The following FOXN3 variants were observed in gnomAD, a reference collection of about 807,000 sequenced individuals.
FOXN3 encodes forkhead box protein N3.
In FOXN3, 7 loss-of-function variants were observed where a neutral mutation model predicts 38.4. The ratio of observed to expected loss-of-function variants is 0.18; its 90% CI spans 0.10 to 0.34. The LOEUF is 0.34. Ranked by LOEUF, FOXN3 falls within the 10% of genes least tolerant of loss-of-function variation. FOXN3 has a pLI of 1.00. For synonymous variants in FOXN3, 230 were observed against 242.2 expected, an observed-to-expected ratio of 0.95 and a Z score of 0.47; for missense variants, 456 against 613.4, an observed-to-expected ratio of 0.74 and a Z score of 2.71.
intron 4 of FOXN3, among the ~76,000 whole-genome samples, chr14:89,258,163 G>A (rs1311507534): frequency 1.3e-5 from 2 of 152,154 alleles, no homozygotes; most frequent in Non-Finnish European, 1.5e-5. Context: ...GAGCAGTGGT[G>A]TTTGCCTGGC....
At chr14:89,325,373 C>CCACCACCACCAT (rs1888049091) in intron 3 of FOXN3, among the ~76,000 whole-genome samples, 1 of 149,830 alleles carries the variant, frequency 6.7e-6, no homozygotes, top group Admixed American at 6.7e-5. Context: ...ACCACCACCG[C>CCACCACCACCAT]CACCACCACC....
At chr14:89,441,798 A>G (rs1892389623) in intron 1 of FOXN3, among the ~76,000 whole-genome samples, 1 of 152,110 alleles carries the variant, frequency 6.6e-6, no homozygotes, top group South Asian at 2.1e-4. Context: ...GAGGGTCCCT[A>G]TGGATTCCAC....
intron 4 of FOXN3, among the ~76,000 whole-genome samples, chr14:89,189,030 A>T (rs1887879084): frequency 1.3e-5 from 2 of 152,138 alleles, no homozygotes; most frequent in African/African-American, 2.4e-5. Flanking sequence ...GTTTGGAAAG[A>T]GAGAATCAGA....
At chr14:89,491,647 T>A (rs1288108338) in intron 1 of FOXN3, among the ~76,000 whole-genome samples, 1 of 152,200 alleles carries the variant, frequency 6.6e-6, no homozygotes, top group Admixed American at 6.5e-5. Context: ...TCTTCAGAAG[T>A]TCTGGGCAAT....
intron 2 of FOXN3, chr14:89,364,390 T>C (rs1282734867): frequency 2.7e-5 from 4 of 150,686 alleles, no homozygotes; most frequent in Non-Finnish European, 4.4e-5. Flanking sequence ...TTGTTTTTTT[T>C]CAGAAGGAAA....
intron 1 of FOXN3, among the ~76,000 whole-genome samples, chr14:89,434,872 T>C (rs909100609): frequency 1.3e-5 from 2 of 152,218 alleles, no homozygotes; most frequent in African/African-American, 4.8e-5. Flanking sequence ...CGGTAGTTAT[T>C]GTCTGCCAGT....
intron 3 of FOXN3, chr14:89,284,490 C>T (rs1378752470): frequency 2.2e-6 from 1 of 456,080 alleles, no homozygotes; most frequent in Non-Finnish European, 4.4e-6. Flanking sequence ...TCCTCTTCTG[C>T]TCTTCCAGCA....
In FOXN3 at chr14:89,441,857, C is replaced by A. The variant is rs547816828; in HGVS notation, c.-14-29367G>T. Among the ~76,000 whole-genome samples the A allele has an allele frequency of 9.9e-5, 15 of 152,072 alleles. No individual in the cohort carries two copies. The East Asian group carries it at 1.9e-3, about 20-fold the overall frequency. On this transcript the variant is annotated intron_variant, in intron 1 of 6. Coordinates refer to the FOXN3 transcript ENST00000345097. Reference sequence around the variant, plus strand: ...CCACCCAGCACACTGGCAGCATTAACCCTGGCCTTGAGGTTGGGATCTCAG... The same window carrying A: ...CCACCCAGCACACTGGCAGCATTAAACCTGGCCTTGAGGTTGGGATCTCAG...
At chr14:89,235,255 G>A (rs1376203504) in intron 4 of FOXN3, among the ~76,000 whole-genome samples, 1 of 152,114 alleles carries the variant, frequency 6.6e-6, no homozygotes, top group African/African-American at 2.4e-5. Flanking sequence ...AGAACCTTGT[G>A]GCTTACTGAT....
intron 2 of FOXN3, among the ~76,000 whole-genome samples, chr14:89,370,983 C>A (rs562820847): frequency 7.5e-6 from 1 of 133,940 alleles, no homozygotes; most frequent in Non-Finnish European, 1.7e-5. Context: ...CAAAACCGTG[C>A]GTCTATTTCA....
chr14:89,165,749 CGTT>C (rs1887225844), intron 5 of FOXN3, among the ~76,000 whole-genome samples: 1 of 152,190 alleles, frequency 6.6e-6, no homozygotes, highest in African/African-American at 2.4e-5. Flanking sequence ...ATGAAAGTCT[CGTT>C]GTATGGTCCT....
intron 1 of FOXN3, among the ~76,000 whole-genome samples, chr14:89,524,539 G>C (rs534777142): frequency 6.6e-6 from 1 of 151,660 alleles, no homozygotes; most frequent in East Asian, 1.9e-4. Context: ...CTGGTTCCTT[G>C]GGAAGATCAA....
chr14:89,464,017 C>G (rs781341204), intron 1 of FOXN3, among the ~76,000 whole-genome samples: 1 of 152,150 alleles, frequency 6.6e-6, no homozygotes, highest in South Asian at 2.1e-4. Flanking sequence ...CTCCTGACCT[C>G]AGGTGATCCA....
At chr14:89,500,340 A>G (rs578086458) in intron 1 of FOXN3, among the ~76,000 whole-genome samples, 51 of 152,318 alleles carry the variant, frequency 3.3e-4, no homozygotes, top group African/African-American at 1.2e-3. Context: ...CAATGAGTCA[A>G]TTGCAGAAGT....
Position 89,524,711 on chromosome 14 carries a change from C to A in FOXN3, c.-15+94317G>T, listed in dbSNP as rs114796451. Among the ~76,000 whole-genome samples the A allele has an allele frequency of 2.7e-3, 417 of 152,018 alleles. 4 individuals are homozygous for A. Among genetic ancestry groups the A allele is most frequent in the African/African-American group, 9.7e-3 (402 of 41,480 alleles). On this transcript the variant is annotated intron_variant, in intron 1 of 6. Coordinates refer to the FOXN3 transcript ENST00000345097. ...AAATTCAATATTTAAATTTAGTTGA[C>A]AAATTCCCTAAAAGATACAAACAAA...
chr14:89,401,586 C>T, intron 2 of FOXN3: 2 of 456,064 alleles, frequency 4.4e-6, no homozygotes, highest in Non-Finnish European at 8.8e-6. Flanking sequence ...GCCAGGCTCC[C>T]TGTACCTTGA....
rs541988254 is a variant in FOXN3 at position 89,347,913 on chromosome 14, C to T, written c.680+2759G>A. Reference sequence around the variant, plus strand: ...AGGTTGCAGTGAGCCAAGATTGCACCGCTGCACTCCAGCCTGGAGAGAGAG... The same window carrying T: ...AGGTTGCAGTGAGCCAAGATTGCACTGCTGCACTCCAGCCTGGAGAGAGAG... On this transcript the variant is annotated intron_variant, in intron 3 of 5. Transcript: ENST00000557258. Among the ~76,000 whole-genome samples the T allele has an allele frequency of 6.6e-5, 10 of 151,872 alleles. No individual in the cohort carries two copies. In the South Asian group the frequency reaches 8.3e-4, roughly 13 times the overall value.
At chr14:89,291,596 C>A in intron 3 of FOXN3, 1 of 523,760 alleles carries the variant, frequency 1.9e-6, no homozygotes. Context: ...GTCTGCCATT[C>A]TGCTTTGCTG....
At chr14:89,435,646 G>A (rs1017252039) in intron 1 of FOXN3, among the ~76,000 whole-genome samples, 1 of 152,158 alleles carries the variant, frequency 6.6e-6, no homozygotes, top group Non-Finnish European at 1.5e-5. Flanking sequence ...CAACAGCTCC[G>A]TAAAAAGGGG....
Sources: allele counts gnomAD v4.1 joint callset (sites outside exome capture counted in the v4.1 genomes callset), GRCh38; gene constraint gnomAD v4.1.1; transcripts MANE v1.5; gene names NCBI Gene and HGNC (gene_info 2026-07-23, HGNC 2026-07-21).